Variants in SLC44A5 observed in about 807,000 individuals in gnomAD.
SLC44A5 encodes choline transporter-like protein 5.
SLC44A5 carries 57 observed loss-of-function variants against 101.8 expected under a neutral mutation model. That is an observed-to-expected ratio of 0.56 (90% confidence interval 0.45 to 0.70). The LOEUF is 0.70. Ranked by LOEUF, SLC44A5 falls within the 30% of genes least tolerant of loss-of-function variation. The probability of loss-of-function intolerance (pLI) is 0.00; values close to 1 mark genes in which losing one functional copy is unlikely to be tolerated. For missense variants in SLC44A5, 737 were observed against 853.1 expected, an observed-to-expected ratio of 0.86 and a Z score of 1.70; for synonymous variants, 281 against 290.9, an observed-to-expected ratio of 0.97 and a Z score of 0.35.
chr1:75,246,054 T>TCAATAATGA (rs577326469), intron 7 of SLC44A5, among the ~76,000 whole-genome samples: 72 of 152,244 alleles, frequency 4.7e-4, no homozygotes, highest in African/African-American at 1.5e-3. Flanking sequence ...TTATTAGCAG[T>TCAATAATGA]CAATAATGAC....
At chr1:75,528,736 G>A (rs1388432082) in intron 2 of SLC44A5, among the ~76,000 whole-genome samples, 1 of 151,984 alleles carries the variant, frequency 6.6e-6, no homozygotes, top group African/African-American at 2.4e-5. Flanking sequence ...CTAACTATCT[G>A]GACCCTATTT....
At chr1:75,221,492 T>C (rs1647079557) in intron 14 of SLC44A5, among the ~76,000 whole-genome samples, 1 of 152,218 alleles carries the variant, frequency 6.6e-6, no homozygotes, top group African/African-American at 2.4e-5. Flanking sequence ...AAATGACTCT[T>C]GGTATAAAGT....
intron 1 of SLC44A5, among the ~76,000 whole-genome samples, chr1:75,592,370 G>A (rs1348594877): frequency 6.6e-6 from 1 of 151,364 alleles, no homozygotes; most frequent in South Asian, 2.1e-4. Flanking sequence ...AATTAAAGAG[G>A]ACACCAAAAA....
At chr1:75,488,031 T>C (rs1668243717) in intron 2 of SLC44A5, among the ~76,000 whole-genome samples, 1 of 152,206 alleles carries the variant, frequency 6.6e-6, no homozygotes, top group Non-Finnish European at 1.5e-5. Context: ...CTACGTTGTA[T>C]GCTTCTTATG....
intron 1 of SLC44A5, among the ~76,000 whole-genome samples, chr1:75,582,938 A>C (rs1445268545): frequency 2.0e-5 from 3 of 152,074 alleles, no homozygotes; most frequent in African/African-American, 7.2e-5. Context: ...TTCTCCCATC[A>C]CTGCATTCAG....
At chr1:75,522,333 A>G (rs1670172369) in intron 2 of SLC44A5, 1 of 139,130 alleles carries the variant, frequency 7.2e-6, no homozygotes, top group Non-Finnish European at 1.5e-5. Flanking sequence ...TAATATATTC[A>G]TGAAAACAAT....
At chr1:75,714,517 G>A in the SLC44A5 span, among the ~76,000 whole-genome samples, 1 of 152,068 alleles carries the variant, frequency 6.6e-6, no homozygotes, top group Admixed American at 6.6e-5. Flanking sequence ...AGAAATAAAA[G>A]GCACCCAAGT....
intron 3 of SLC44A5, among the ~76,000 whole-genome samples, chr1:75,383,809 A>C (rs1661087010): frequency 6.6e-6 from 1 of 152,112 alleles, no homozygotes; most frequent in Non-Finnish European, 1.5e-5. Flanking sequence ...CCAGAGAGAA[A>C]GGTCGGGTTA....
At chr1:75,454,846 C>T (rs1666098828) in intron 2 of SLC44A5, among the ~76,000 whole-genome samples, 1 of 151,900 alleles carries the variant, frequency 6.6e-6, no homozygotes, top group South Asian at 2.1e-4. Context: ...AAGATCTCTA[C>T]AAGGAGAGCT....
intron 3 of SLC44A5, among the ~76,000 whole-genome samples, chr1:75,358,415 A>AT (rs1179938435): frequency 2.0e-5 from 3 of 152,152 alleles, no homozygotes. Context: ...GCATTGCATT[A>AT]TTTTTTAAAA....
intron 3 of SLC44A5, among the ~76,000 whole-genome samples, chr1:75,391,406 A>T (rs1396059007): frequency 2.0e-5 from 3 of 152,334 alleles, no homozygotes; most frequent in Middle Eastern, 3.4e-3. Flanking sequence ...AGCATCCTAA[A>T]CAAAAAGAAC....
intron 3 of SLC44A5, among the ~76,000 whole-genome samples, chr1:75,368,303 C>A (rs971354641): frequency 2.0e-5 from 3 of 152,270 alleles, no homozygotes; most frequent in African/African-American, 7.2e-5. Context: ...TTTCTAGAAC[C>A]TTTCCCTTAT....
At chr1:75,721,132 G>C in the SLC44A5 span, among the ~76,000 whole-genome samples, 1 of 152,034 alleles carries the variant, frequency 6.6e-6, no homozygotes, top group East Asian at 1.9e-4. Context: ...ACATCACTGA[G>C]GTATAAAGAG....
intron 5 of SLC44A5, among the ~76,000 whole-genome samples, 199 bp from the exon 6 acceptor site, chr1:75,275,241 C>A (rs1651826049): frequency 6.6e-6 from 1 of 152,126 alleles, no homozygotes; most frequent in Admixed American, 6.5e-5. Flanking sequence ...GCACATTTCT[C>A]TTATTCTCTC....
At chr1:75,614,951 C>A (rs1435469388), upstream of SLC44A5, among the ~76,000 whole-genome samples, 2 of 152,094 alleles carry the variant, frequency 1.3e-5, no homozygotes, top group Non-Finnish European at 2.9e-5. Context: ...TGCGAGTCCG[C>A]GCTGCGGGAG....
intron 2 of SLC44A5, among the ~76,000 whole-genome samples, chr1:75,432,011 G>A (rs959859534): frequency 6.6e-6 from 1 of 152,068 alleles, no homozygotes; most frequent in Non-Finnish European, 1.5e-5. Context: ...CTTAGAATAT[G>A]TGAATGTCAA....
At chr1:75,703,907 G>A in the SLC44A5 span, among the ~76,000 whole-genome samples, 1 of 151,984 alleles carries the variant, frequency 6.6e-6, no homozygotes, top group Non-Finnish European at 1.5e-5. Flanking sequence ...AAACCTCCAG[G>A]CCAAGCATGG....
At chr1:75,226,437 GTGTCCTATATGGAAAA>G (rs1218533622) in intron 13 of SLC44A5, among the ~76,000 whole-genome samples, 3 of 152,214 alleles carry the variant, frequency 2.0e-5, no homozygotes, top group African/African-American at 7.2e-5. Flanking sequence ...CAGGAAGGTA[GTGTCCTATATGGAAAA>G]TGTCTGCACT....
the SLC44A5 span, among the ~76,000 whole-genome samples, chr1:75,691,347 A>T: frequency 6.6e-6 from 1 of 152,184 alleles, no homozygotes; most frequent in Non-Finnish European, 1.5e-5. Context: ...CAAGGCTGGT[A>T]ATATAAATTC....
Sources: allele counts gnomAD v4.1 joint callset (sites outside exome capture counted in the v4.1 genomes callset), GRCh38; gene constraint gnomAD v4.1.1; transcripts MANE v1.5; gene names NCBI Gene and HGNC (gene_info 2026-07-23, HGNC 2026-07-21).